The following AHNAK2 variants were observed in gnomAD, a reference collection of about 807,000 sequenced individuals.
AHNAK2 encodes the protein protein AHNAK2.
A neutral mutation model predicts 30.7 loss-of-function variants in AHNAK2; 18 were observed. That is an observed-to-expected ratio of 0.59 (90% CI 0.41 to 0.87). AHNAK2 has a LOEUF of 0.87. Ranked by LOEUF, AHNAK2 falls within the 40% of genes least tolerant of loss-of-function variation. The pLI is 0.00. For synonymous variants in AHNAK2, 3,590 were observed against 3,073.8 expected, an observed-to-expected ratio of 1.17 and a Z score of -5.56; for missense variants, 8,604 against 7,373.0, an observed-to-expected ratio of 1.17 and a Z score of -6.11.
intron 1 of AHNAK2, among the ~76,000 whole-genome samples, chr14:104,965,612 A>C (rs2582497): frequency 0.7 from 106,463 of 152,022 alleles, 37,442 homozygotes; most frequent in African/African-American, 0.76. Context: ...GGGTCTCAGA[A>C]CTAAGGCCCC....
intron 1 of AHNAK2, among the ~76,000 whole-genome samples, chr14:104,967,599 CTCAGCCACCGCACTG>C (rs1020784777): frequency 2.0e-5 from 3 of 152,236 alleles, no homozygotes; most frequent in Non-Finnish European, 4.4e-5. Context: ...CAGCCCCACC[CTCAGCCACCGCACTG>C]GGAGCGGCTG....
At position 104,942,688 on chromosome 14, in the gene AHNAK2, G is replaced by A. The variant is rs1898050083; in HGVS notation, c.12763C>T (p.Pro4255Ser). 1.2e-6 allele frequency: 2 copies of A among 1,613,458 alleles called. No individual in the cohort carries two copies. The highest frequency in any genetic ancestry group is 2.2e-5 in the South Asian group (2 of 91,058). Reference sequence around the variant, plus strand: ...CTGGGCAGAGACACCTCCACGACGGGGGTCATCACATCCGCCTTGGGGCCT... The same window carrying A: ...CTGGGCAGAGACACCTCCACGACGGAGGTCATCACATCCGCCTTGGGGCCT... The part of the protein sequence containing the change: ...LKGPKADVMT[P>S]VVEVSLPSME... Residue 4255 changes from proline (P) to serine (S), a missense_variant, in exon 7 of 7, where the codon CCC becomes TCC. By Grantham distance (74) the Pro-to-Ser change is moderately conservative (BLOSUM62 -1). Transcript: ENST00000333244.
At position 104,942,885 on chromosome 14, in the gene AHNAK2, T is replaced by C. The variant is rs755955543; in HGVS notation, c.12566A>G (p.Asp4189Gly). The C allele has an allele frequency of 6.2e-7, 1 of 1,612,470 alleles. No individual in the cohort carries two copies. Among genetic ancestry groups the C allele is most frequent in the Non-Finnish European group, 8.5e-7 (1 of 1,179,446 alleles). ...TDLSIQSPSA[D>G]LEVQAGQVDV... ...CACTTGGCCAGCCTGGACCTCCAGG[T>C]CGGCGGAAGGGGACTGAATGCTGAG... is the stretch of plus-strand genomic sequence containing the variant. Residue 4189 changes from aspartate to glycine, a missense_variant, in exon 7 of 7, where the codon GAC (aspartate) becomes GGC (glycine). Transcript: ENST00000333244.
chr14:104,938,270 T>C lies in AHNAK2; in HGVS notation c.17181A>G (p.Gln5727=). ...CATCAAAAAACGTGATTGTTTCTTC[T>C]TGAAGTTTTTGTTCTTCCAGCTCTG... ...DGAELEEQKL[Q]EETITFFDAR... The change falls in exon 7 of 7, where the codon CAA becomes CAG. Residue 5727 remains glutamine (Q), a synonymous_variant. Coordinates refer to ENST00000333244, the MANE Select transcript of AHNAK2 (RefSeq NM_138420.4). 1.2e-6 allele frequency: 2 copies of C among 1,613,918 alleles called. No homozygotes were observed. Among genetic ancestry groups the C allele is most frequent in the Non-Finnish European group, 1.7e-6 (2 of 1,179,856 alleles).
At chr14:104,963,929 C>T (rs992920313) in intron 1 of AHNAK2, among the ~76,000 whole-genome samples, 3 of 151,880 alleles carry the variant, frequency 2.0e-5, no homozygotes, top group South Asian at 2.1e-4. Context: ...ATTAGTATAG[C>T]CATGATAGAA....
rs759787478 is a variant in AHNAK2 at position 104,939,161 on chromosome 14, C to T, written c.16290G>A (p.Gly5430=). The T allele has an allele frequency of 1.2e-5, 20 of 1,612,520 alleles. No individual in the cohort carries two copies. Among genetic ancestry groups the T allele is most frequent in the Non-Finnish European group, 1.4e-5 (17 of 1,179,426 alleles). Residue 5430 remains glycine (G), a synonymous_variant, in exon 7 of 7, where the codon GGG becomes GGA. Coordinates refer to ENST00000333244, the MANE Select transcript of AHNAK2 (RefSeq NM_138420.4). Reference sequence around the variant, plus strand: ...CCTTCAGGATGCTGGCTCCCCAGAGCCCCGGACTTTCCTTACAAAGGGCTG... The same window carrying T: ...CCTTCAGGATGCTGGCTCCCCAGAGTCCCGGACTTTCCTTACAAAGGGCTG... ...IDTALCKESP[G]LWGASILKAG...
In AHNAK2 at chr14:104,938,333, T is replaced by A. The variant is rs1566893973; in HGVS notation, c.17118A>T (p.Ser5706=). 2.5e-6 allele frequency: 4 copies of A among 1,613,992 alleles called. No individual in the cohort carries two copies. Among genetic ancestry groups the A allele is most frequent in the Non-Finnish European group, 3.4e-6 (4 of 1,179,892 alleles). ...WFRFPKLGFS[S]SPTKKSKSTE... ...TGCTTTTGCTTTTCTTGGTAGGAGA[T>A]GAGGAGAACCCTAATTTGGGAAATC... Residue 5706 remains serine, a synonymous_variant, in exon 7 of 7, where the codon TCA becomes TCT. Transcript: ENST00000333244.
chr14:104,957,317 G>T, intron 3 of AHNAK2, 93 bp downstream of exon 3: 1 of 1,209,246 alleles, frequency 8.3e-7, no homozygotes, highest in Non-Finnish European at 1.1e-6. Flanking sequence ...GCGGGGCAGG[G>T]CAGCAAGGTT....
Position 104,955,022 on chromosome 14 carries a change from C to T in AHNAK2, c.586G>A (p.Ala196Thr). Residue 196 changes from alanine to threonine, a missense_variant, in exon 6 of 7, where the codon GCC becomes ACC. Ala to Thr is a moderately conservative substitution (Grantham distance 58, BLOSUM62 0). Transcript: ENST00000333244. ...VQFKIRRQLPAPQDEEWASSD... is the reference protein window; with the variant it reads ...VQFKIRRQLPTPQDEEWASSD... Reference sequence around the variant, plus strand: ...GAAGCCCACTCTTCATCCTGTGGGGCAGGGAGCTGCCGTCTGATTTTGAAC... The same window carrying T: ...GAAGCCCACTCTTCATCCTGTGGGGTAGGGAGCTGCCGTCTGATTTTGAAC... 2 of 1,613,764 alleles carry T rather than the reference C, an allele frequency of 1.2e-6. No individual in the cohort carries two copies. The highest frequency in any genetic ancestry group is 1.1e-5 in the South Asian group (1 of 91,088).
rs1197255416 is a variant in AHNAK2 at position 104,944,165 on chromosome 14, C to A, written c.11286G>T (p.Val3762=). 1.9e-6 allele frequency: 3 copies of A among 1,606,804 alleles called. No homozygotes were observed. The highest frequency in any genetic ancestry group is 3.3e-4 in the Middle Eastern group (2 of 6,002). Residue 3762 remains valine (V), a synonymous_variant, in exon 7 of 7, where the codon GTG becomes GTT. Coordinates refer to ENST00000333244, the MANE Select transcript of AHNAK2 (RefSeq NM_138420.4). Reference sequence around the variant, plus strand: ...CCTCCACGCTGGGCAGAGACACCTCCACATCAGGGGCTGTGACTTCCGCCT... The same window carrying A: ...CCTCCACGCTGGGCAGAGACACCTCAACATCAGGGGCTGTGACTTCCGCCT... ...VSKAEVTAPD[V]EVSLPSVEVD...
chr14:104,949,117 C>T lies in AHNAK2; in HGVS notation c.6334G>A (p.Val2112Ile), dbSNP rs1263503824. 1.9e-6 allele frequency: 2 copies of T among 1,071,198 alleles called. 1 individual carries two copies. The highest frequency in any genetic ancestry group is 2.7e-6 in the Non-Finnish European group (2 of 734,970). The allele number at this position is 1,071,198 out of a possible 1,614,324, so 66.4% of individuals were successfully genotyped here. A position where few individuals can be genotyped will look rare whatever the true frequency, so the allele number is the denominator to read the frequency against. ...DPKVEMRVPD[V>I]EVSLPSMEVD... Reference sequence around the variant, plus strand: ...TCCATGCTGGGCAGAGACACCTCGACATCGGGGACTCTCATTTCCACCTTG... The same window carrying T: ...TCCATGCTGGGCAGAGACACCTCGATATCGGGGACTCTCATTTCCACCTTG... The change falls in exon 7 of 7, where the codon GTC becomes ATC. Residue 2112 changes from valine to isoleucine, a missense_variant. By Grantham distance (29) the Val-to-Ile change is conservative (BLOSUM62 3). Coordinates refer to ENST00000333244, the MANE Select transcript of AHNAK2 (RefSeq NM_138420.4).
At position 104,950,690 on chromosome 14, in the gene AHNAK2, G is replaced by A. The variant is rs183418100; in HGVS notation, c.4761C>T (p.Pro1587=). ...PKVQMPSFKM[P]KVDLKGPQID... ...TCTGGGGCCCCTTGAGGTCCACTTT[G>A]GGCATCTTGAAACTGGGCATCTGCA... The change falls in exon 7 of 7, where the codon CCC becomes CCT. Residue 1587 remains proline (P), a synonymous_variant. Transcript: ENST00000333244. 52 of 1,587,684 alleles carry A rather than the reference G, an allele frequency of 3.3e-5. No individual in the cohort carries two copies. In the East Asian group the frequency reaches 5.9e-4, roughly 18 times the overall value.
chr14:104,957,630 G>A lies in AHNAK2; in HGVS notation c.98C>T (p.Thr33Met), dbSNP rs761524940. ...QLQPGEPGAE[T>M]EDDHSVTEGP... ...CTCACTTACAGAGTGGTCATCTTCC[G>A]TTTCTGCACCTGGCTCCCCGGGCTG... Residue 33 changes from threonine to methionine, a missense_variant, in exon 2 of 7, where the codon ACG becomes ATG. Coordinates refer to ENST00000333244, the MANE Select transcript of AHNAK2 (RefSeq NM_138420.4). 26 of 1,611,070 alleles carry A rather than the reference G, an allele frequency of 1.6e-5. No individual in the cohort carries two copies. Among genetic ancestry groups the A allele is most frequent in the South Asian group, 2.2e-5 (2 of 90,596 alleles).
intron 1 of AHNAK2, among the ~76,000 whole-genome samples, chr14:104,976,350 C>CG (rs1555404067): frequency 1.3e-5 from 2 of 152,108 alleles, no homozygotes; most frequent in Non-Finnish European, 2.9e-5. Flanking sequence ...CCTGGTGTGT[C>CG]GGGCAGAGGG....
In AHNAK2 at chr14:104,946,192, T is replaced by A; in HGVS notation, c.9259A>T (p.Lys3087Ter). ...GTCTTCGGGCCTTTCAGGTCCAGCT[T>A]GGGGCCCTTGACATCTATCTGGGGT... ...KGPQIDVKGP[K>*]LDLKGPKTDV... Residue 3087 changes from lysine to a stop codon, truncating the protein, a stop_gained, in exon 7 of 7, where the codon AAG (lysine) becomes TAG (stop). Coordinates refer to ENST00000333244, the MANE Select transcript of AHNAK2 (RefSeq NM_138420.4). LOFTEE classifies it low-confidence loss of function (END_TRUNC). The A allele has an allele frequency of 6.2e-7, 1 of 1,604,230 alleles. No individual in the cohort carries two copies. The highest frequency in any genetic ancestry group is 8.5e-7 in the Non-Finnish European group (1 of 1,175,542).
intron 1 of AHNAK2, among the ~76,000 whole-genome samples, chr14:104,968,036 C>T (rs1033346990): frequency 1.3e-5 from 2 of 152,222 alleles, no homozygotes; most frequent in African/African-American, 4.8e-5. Flanking sequence ...TCACCAAAGC[C>T]CCACTTCACA....
rs753742055 is a variant in AHNAK2, at chr14:104,950,435, G to A, written c.5016C>T (p.Ala1672=). The A allele has an allele frequency of 2.5e-6, 4 of 1,586,594 alleles. 1 individual carries two copies. In the South Asian group the frequency reaches 4.5e-5, roughly 18 times the overall value. The change falls in exon 7 of 7, where the codon GCC becomes GCT. Residue 1672 remains alanine, a synonymous_variant. Transcript: ENST00000333244. ...KFKMPSFGVS[A]PGKSIEASVD... ...CCGAGGCCTCGATGGACTTGCCTGG[G>A]GCCGACACCCCAAATGATGGCATCT...
Position 104,955,649 on chromosome 14 carries a change from A to G in AHNAK2, c.316-16T>C. ...CCTGGACAGCCTGGAGCAGAAGCACATCAGGGCCATGGTGAGCATGTGCCA... is the reference window on the plus strand; with the variant it reads ...CCTGGACAGCCTGGAGCAGAAGCACGTCAGGGCCATGGTGAGCATGTGCCA... On this transcript the variant is annotated splice_polypyrimidine_tract_variant and intron_variant, in intron 4 of 6. Transcript: ENST00000333244. The G allele has an allele frequency of 6.2e-7, 1 of 1,611,280 alleles. No homozygotes were observed. Among genetic ancestry groups the G allele is most frequent in the Admixed American group, 1.7e-5 (1 of 59,894 alleles).
At chr14:104,956,898 GCCTACAGCCCACAGCACCCAC>G (rs1360396895) in intron 3 of AHNAK2, among the ~76,000 whole-genome samples, 3 of 152,162 alleles carry the variant, frequency 2.0e-5, no homozygotes, top group South Asian at 2.1e-4. Context: ...ACAGGGCCCA[GCCTACAGCCCACAGCACCCAC>G]CCTACAGCCC....
Sources: gnomAD v4.1 joint callset for allele counts (sites outside exome capture counted in the v4.1 genomes callset) on GRCh38, gnomAD v4.1.1 for gene constraint, MANE v1.5 for transcripts, NCBI Gene and HGNC (gene_info 2026-07-23, HGNC 2026-07-21) for gene names.